Variants in AXDND1 observed in about 807,000 individuals in gnomAD.
The protein encoded by AXDND1 is axonemal dynein light chain domain-containing protein 1.
Under a neutral mutation model 137.5 loss-of-function variants are expected in AXDND1, and 110 were observed. The observed-to-expected ratio is 0.80, with a 90% CI of 0.69 to 0.94. The LOEUF is 0.94. Ranked by LOEUF, AXDND1 falls within the 40% of genes least tolerant of loss-of-function variation. The pLI is 0.00. For missense variants in AXDND1, 1,191 were observed against 1,169.8 expected, an observed-to-expected ratio of 1.02 and a Z score of -0.26; for synonymous variants, 414 against 399.7, an observed-to-expected ratio of 1.04 and a Z score of -0.43.
At chr1:179,528,695 G>A (rs1030138492) in intron 23 of AXDND1, among the ~76,000 whole-genome samples, 1 of 135,242 alleles carries the variant, frequency 7.4e-6, no homozygotes, top group South Asian at 2.4e-4. Flanking sequence ...GGGTTCAAGC[G>A]ATTCTCCTGC....
chr1:179,519,725 T>C (rs1236030996), intron 21 of AXDND1, among the ~76,000 whole-genome samples: 1 of 152,186 alleles, frequency 6.6e-6, no homozygotes, highest in Non-Finnish European at 1.5e-5. Context: ...TTCTGGGTTC[T>C]CCATTTTGTT....
chr1:179,448,041 A>T, intron 16 of AXDND1: 1 of 1,319,328 alleles, frequency 7.6e-7, no homozygotes, highest in Non-Finnish European at 1.1e-6. Flanking sequence ...CAGACATTGA[A>T]AAATTCTGAG....
intron 9 of AXDND1, among the ~76,000 whole-genome samples, chr1:179,390,055 C>T (rs915785042): frequency 6.6e-6 from 1 of 151,662 alleles, no homozygotes; most frequent in Non-Finnish European, 1.5e-5. Context: ...GCTCTGTCAC[C>T]CAGGCTGGAG....
At chr1:179,412,633 C>T (rs779411079) in intron 12 of AXDND1, among the ~76,000 whole-genome samples, 2 of 152,004 alleles carry the variant, frequency 1.3e-5, no homozygotes, top group Non-Finnish European at 2.9e-5. Context: ...AAATCTAGAT[C>T]ATTACTGGGG....
At chr1:179,412,116 G>C (rs1300516079) in intron 12 of AXDND1, among the ~76,000 whole-genome samples, 1 of 152,122 alleles carries the variant, frequency 6.6e-6, no homozygotes, top group Non-Finnish European at 1.5e-5. Flanking sequence ...CTCTCAAAGT[G>C]CTGGGATTAC....
chr1:179,492,990 T>C, intron 20 of AXDND1, 39 bp downstream of exon 20: 1 of 1,444,078 alleles, frequency 6.9e-7, no homozygotes, highest in Non-Finnish European at 9.5e-7. Flanking sequence ...GTTTTTGTTT[T>C]GTTTGTTTTT....
At chr1:179,387,819 A>G (rs963230943) in intron 9 of AXDND1, among the ~76,000 whole-genome samples, 6 of 152,178 alleles carry the variant, frequency 3.9e-5, no homozygotes, top group Admixed American at 2.0e-4. Context: ...TACTACTTCT[A>G]TGCGAGTTCT....
chr1:179,542,401 C>T (rs1672255964), intron 25 of AXDND1, among the ~76,000 whole-genome samples: 1 of 152,144 alleles, frequency 6.6e-6, no homozygotes. Context: ...GCCCTAGGTA[C>T]AGGGACATTA....
chr1:179,403,802 C>G (rs1486788431), intron 11 of AXDND1, among the ~76,000 whole-genome samples: 2 of 152,116 alleles, frequency 1.3e-5, no homozygotes, highest in Non-Finnish European at 2.9e-5. Context: ...TGGAACTACT[C>G]CTGACCTCAT....
At chr1:179,493,622 A>G (rs1400490096) in intron 20 of AXDND1, among the ~76,000 whole-genome samples, 1 of 152,228 alleles carries the variant, frequency 6.6e-6, no homozygotes, top group Non-Finnish European at 1.5e-5. Flanking sequence ...GCAGTTAGGT[A>G]GAAGGAATAA....
chr1:179,459,305 T>A (rs1217289709), intron 16 of AXDND1, among the ~76,000 whole-genome samples: 1 of 152,132 alleles, frequency 6.6e-6, no homozygotes, highest in Non-Finnish European at 1.5e-5. Context: ...ATACATTTAG[T>A]TGTTTAAAAG....
chr1:179,420,151 AG>A (rs1655452856), intron 12 of AXDND1, among the ~76,000 whole-genome samples: 1 of 152,236 alleles, frequency 6.6e-6, no homozygotes, highest in Admixed American at 6.5e-5. Context: ...TTTATCATAA[AG>A]GGATGTTGAA....
intron 12 of AXDND1, among the ~76,000 whole-genome samples, chr1:179,413,052 TTTAC>T (rs1250674851): frequency 6.6e-6 from 1 of 152,154 alleles, no homozygotes; most frequent in East Asian, 1.9e-4. Flanking sequence ...TTGATTTCCT[TTTAC>T]TTTATTAACA....
At chr1:179,409,963 T>G (rs1386319383) in intron 11 of AXDND1, among the ~76,000 whole-genome samples, 1 of 152,206 alleles carries the variant, frequency 6.6e-6, no homozygotes, top group East Asian at 1.9e-4. Flanking sequence ...ATTTTTTGCT[T>G]TTACTGTTAA....
chr1:179,496,331 G>T (rs1172453066), intron 20 of AXDND1, among the ~76,000 whole-genome samples: 2 of 151,936 alleles, frequency 1.3e-5, no homozygotes, highest in Non-Finnish European at 2.9e-5. Context: ...TGAAGCATCT[G>T]GGCATTGTGG....
intron 21 of AXDND1, among the ~76,000 whole-genome samples, chr1:179,513,681 C>T (rs916987726): frequency 1.3e-5 from 2 of 151,994 alleles, no homozygotes; most frequent in Admixed American, 1.3e-4. Context: ...TGCTGTGAAT[C>T]CTTCTGGTCC....
chr1:179,542,600 T>G (rs553406960), intron 25 of AXDND1, among the ~76,000 whole-genome samples: 1 of 152,238 alleles, frequency 6.6e-6, no homozygotes, highest in African/African-American at 2.4e-5. Flanking sequence ...ATTTGAAAAC[T>G]GGACCTTTTC....
In AXDND1 at chr1:179,408,883, C is replaced by T. The variant is rs186258864; in HGVS notation, c.1110-2263C>T. 3.8e-3 allele frequency among the ~76,000 whole-genome samples: 573 copies of T among 151,296 alleles called. 1 individual carries two copies. The highest frequency in any genetic ancestry group is 0.01 in the Middle Eastern group (3 of 294). On this transcript the variant is annotated intron_variant, in intron 11 of 25. Transcript: ENST00000367618. ...TTTTTTTCCCCTAAATGTGGTCTTA[C>T]TATGTTGCCAAGGCTGGTCTCAAAC...
At chr1:179,382,567 C>T in intron 6 of AXDND1, 133 bp from the exon 7 acceptor site, 2 of 565,282 alleles carry the variant, frequency 3.5e-6, no homozygotes, top group Non-Finnish European at 6.3e-6. Context: ...TGAGTCACTT[C>T]TCCAAGCAGT....
Sources: gnomAD v4.1 joint callset for allele counts (sites outside exome capture counted in the v4.1 genomes callset) on GRCh38, gnomAD v4.1.1 for gene constraint, MANE v1.5 for transcripts, NCBI Gene and HGNC (gene_info 2026-07-23, HGNC 2026-07-21) for gene names.